The following GRM8 variants were observed in gnomAD, a reference collection of about 807,000 sequenced individuals.
GRM8 encodes the protein glutamate metabotropic receptor 8.
In GRM8, 47 loss-of-function variants were observed where a neutral mutation model predicts 87.2. The observed-to-expected ratio is 0.54, with a 90% CI of 0.43 to 0.69. The LOEUF (loss-of-function observed/expected upper bound fraction) is 0.69, where lower values mean the gene tolerates loss of function less well. Ranked by LOEUF, GRM8 falls within the 30% of genes least tolerant of loss-of-function variation. GRM8 has a pLI of 0.00. For synonymous variants in GRM8, 396 were observed against 404.5 expected (o/e 0.98, Z 0.25); for missense variants, 1,019 against 1,139.2 (o/e 0.89, Z 1.52).
At chr7:127,004,288 CAG>C (rs992310601) in intron 3 of GRM8, among the ~76,000 whole-genome samples, 31 of 151,584 alleles carry the variant, frequency 2.0e-4, no homozygotes, top group African/African-American at 7.0e-4. Flanking sequence ...AGTAATAAAA[CAG>C]AGTGAGTGGC....
intron 9 of GRM8, among the ~76,000 whole-genome samples, chr7:126,519,180 G>GA: frequency 6.6e-6 from 1 of 152,138 alleles, no homozygotes; most frequent in Non-Finnish European, 1.5e-5. Context: ...TCTTCCTGAG[G>GA]AATCGCTGAA....
intron 6 of GRM8, among the ~76,000 whole-genome samples, chr7:126,786,737 C>T (rs1281575511): frequency 1.3e-5 from 2 of 152,092 alleles, no homozygotes; most frequent in Admixed American, 6.6e-5. Flanking sequence ...TATTCTTATA[C>T]TCCAATAATA....
chr7:126,593,529 G>C (rs2402819), intron 8 of GRM8, among the ~76,000 whole-genome samples: 29,692 of 151,884 alleles, frequency 0.2, 3,436 homozygotes, highest in East Asian at 0.31. Context: ...CTGATGTTGG[G>C]AAAACTGGAT....
chr7:126,610,938 C>T (rs1412086118), intron 7 of GRM8, among the ~76,000 whole-genome samples: 1 of 152,166 alleles, frequency 6.6e-6, no homozygotes, highest in Non-Finnish European at 1.5e-5. Flanking sequence ...ACTGGAAGTT[C>T]CATGTCCAGG....
intron 2 of GRM8, among the ~76,000 whole-genome samples, chr7:127,214,533 G>T (rs937582470): frequency 1.3e-5 from 2 of 152,202 alleles, no homozygotes; most frequent in Non-Finnish European, 2.9e-5. Flanking sequence ...GTTCCAAGTG[G>T]CTGGGGAGGC....
rs193222806 is a variant in GRM8, at chr7:126,614,869, C to T, written c.1358-5371G>A. Among the ~76,000 whole-genome samples, 4 of 152,248 alleles carry T rather than the reference C, an allele frequency of 2.6e-5. No individual in the cohort carries two copies. In the East Asian group the frequency reaches 5.8e-4, roughly 22 times the overall value. ...AACAAAGCCTCTAAGAAATACGGGA[C>T]TATGTGAAAAGACCAAATCTACGTC... On this transcript the variant is annotated intron_variant, in intron 7 of 10. Transcript: ENST00000339582.
At chr7:127,076,371 GA>G in intron 3 of GRM8, 2 of 334,948 alleles carry the variant, frequency 6.0e-6, no homozygotes, top group South Asian at 4.9e-5. Flanking sequence ...ATCTGGGGGA[GA>G]AGGTCAGTTT....
intron 7 of GRM8, among the ~76,000 whole-genome samples, chr7:126,696,032 A>G (rs569129891): frequency 4.4e-4 from 67 of 152,246 alleles, no homozygotes; most frequent in African/African-American, 1.5e-3. Context: ...GGCTTTTACA[A>G]CCAGGTAAAA....
At chr7:126,606,708 A>G (rs914063689) in intron 8 of GRM8, among the ~76,000 whole-genome samples, 1 of 152,214 alleles carries the variant, frequency 6.6e-6, no homozygotes, top group African/African-American at 2.4e-5. Flanking sequence ...AAAACCCGCA[A>G]CGCTATCTAG....
chr7:126,860,737 T>C lies in GRM8; in HGVS notation c.1156+41805A>G, dbSNP rs3824010. 1.4e-4 allele frequency among the ~76,000 whole-genome samples: 21 copies of C among 152,312 alleles called. No homozygotes were observed. The East Asian group carries it at 3.5e-3, about 25-fold the overall frequency. On this transcript the variant is annotated intron_variant, in intron 6 of 10. Coordinates refer to ENST00000339582, the MANE Select transcript of GRM8 (RefSeq NM_000845.3). ...AGTTCAAATATTCTACTACATTCTA[T>C]ATAACACATTTACTGGCCAAAACAT...
At chr7:127,225,189 GCA>G (rs147620161) in intron 2 of GRM8, among the ~76,000 whole-genome samples, 3,300 of 152,302 alleles carry the variant, frequency 0.022, 125 homozygotes, top group African/African-American at 0.074. Flanking sequence ...AAGGTGGGGA[GCA>G]CAGTCATTTC....
intron 6 of GRM8, among the ~76,000 whole-genome samples, chr7:126,780,557 C>G (rs559671986): frequency 2.6e-5 from 4 of 152,070 alleles, no homozygotes; most frequent in African/African-American, 9.7e-5. Context: ...ACTGGGACTA[C>G]GATCTGAAAG....
intron 3 of GRM8, among the ~76,000 whole-genome samples, chr7:126,942,200 G>A (rs1174439101): frequency 1.3e-5 from 2 of 152,280 alleles, no homozygotes; most frequent in Non-Finnish European, 2.9e-5. Context: ...GAAGGCCATC[G>A]TTACTATATT....
intron 8 of GRM8, among the ~76,000 whole-genome samples, chr7:126,562,660 C>T (rs555288539): frequency 1.3e-5 from 2 of 151,908 alleles, no homozygotes; most frequent in Non-Finnish European, 2.9e-5. Flanking sequence ...TTTGGGAGGC[C>T]AAAGGGGGCA....
At chr7:127,006,730 C>T (rs1814348879) in intron 3 of GRM8, among the ~76,000 whole-genome samples, 1 of 151,988 alleles carries the variant, frequency 6.6e-6, no homozygotes, top group African/African-American at 2.4e-5. Context: ...GGATCCTCCT[C>T]TCAATATTCT....
intron 2 of GRM8, among the ~76,000 whole-genome samples, chr7:127,135,720 T>C (rs1439501604): frequency 6.6e-6 from 1 of 151,978 alleles, no homozygotes. Context: ...GAGATTATAT[T>C]TACATTCGCC....
chr7:127,196,007 A>T (rs1025843798), intron 2 of GRM8, among the ~76,000 whole-genome samples: 4 of 152,232 alleles, frequency 2.6e-5, no homozygotes, highest in African/African-American at 9.6e-5. Context: ...TCTCTACATT[A>T]TTATAACCTC....
At chr7:126,687,107 ACAGGT>A (rs1808270432) in intron 7 of GRM8, among the ~76,000 whole-genome samples, 1 of 152,226 alleles carries the variant, frequency 6.6e-6, no homozygotes, top group Admixed American at 6.5e-5. Context: ...TGACCACCAC[ACAGGT>A]CAGGAGATGC....
chr7:127,173,490 G>C (rs1282640913), intron 2 of GRM8, among the ~76,000 whole-genome samples: 5 of 152,144 alleles, frequency 3.3e-5, no homozygotes, highest in Non-Finnish European at 7.4e-5. Context: ...GATGAAATTA[G>C]AGAGGTCAGG....
Sources: gnomAD v4.1 joint callset for allele counts (sites outside exome capture counted in the v4.1 genomes callset) on GRCh38, gnomAD v4.1.1 for gene constraint, MANE v1.5 for transcripts, NCBI Gene and HGNC (gene_info 2026-07-23, HGNC 2026-07-21) for gene names.